Variants in IDO2 observed in about 807,000 individuals in gnomAD.
The protein encoded by IDO2 is indoleamine 2,3-dioxygenase 2, also known as indoleamine 2,3-dioxygenase-like 1 protein.
Under a neutral mutation model 45.1 loss-of-function variants are expected in IDO2, and 46 were observed. The observed-to-expected ratio is 1.02, with a 90% CI of 0.80 to 1.30. The LOEUF is 1.30. IDO2 is among the 50% of genes most tolerant of loss of function. The pLI is 0.00. For missense variants in IDO2, 544 were observed against 491.8 expected, an observed-to-expected ratio of 1.11 and a Z score of -1.00; for synonymous variants, 218 against 184.9, an observed-to-expected ratio of 1.18 and a Z score of -1.45.
chr8:39,997,956 C>G lies in IDO2; in HGVS notation c.668-7371C>G, dbSNP rs1585417046. ...TTGCTGCCCAGCAGCAGGTATGAAGCCGGCTGGTGACTGGCTAGCAAATGC... is the reference window on the plus strand; with the variant it reads ...TTGCTGCCCAGCAGCAGGTATGAAGGCGGCTGGTGACTGGCTAGCAAATGC... On this transcript the variant is annotated intron_variant, in intron 8 of 10. Coordinates refer to ENST00000502986, the Ensembl canonical transcript of IDO2. The G allele has an allele frequency of 2.2e-5, 5 of 223,822 alleles. No homozygotes were observed. The East Asian group carries it at 5.4e-4, about 24-fold the overall frequency. The allele number at this position is 223,822 out of a possible 1,614,324, so 13.9% of individuals were successfully genotyped here.
At chr8:39,982,248 A>ATATG (rs1491038685) in intron 4 of IDO2, among the ~76,000 whole-genome samples, 4 of 122,104 alleles carry the variant, frequency 3.3e-5, no homozygotes, top group African/African-American at 1.1e-4. Flanking sequence ...ATATATATAT[A>ATATG]TATATGTATA....
At chr8:39,937,443 A>G (rs1202725198) in intron 1 of IDO2, among the ~76,000 whole-genome samples, 1 of 152,198 alleles carries the variant, frequency 6.6e-6, no homozygotes, top group Non-Finnish European at 1.5e-5. Context: ...TGTTGGCTTA[A>G]AGGGAATGAA....
intron 10 of IDO2, among the ~76,000 whole-genome samples, chr8:40,014,037 G>T (rs908769386): frequency 6.6e-5 from 10 of 152,122 alleles, no homozygotes; most frequent in Non-Finnish European, 1.0e-4. Context: ...GAGTTTGAAG[G>T]CTATGAGTCT....
intron 9 of IDO2, among the ~76,000 whole-genome samples, chr8:40,008,991 T>C (rs2129595473): frequency 6.7e-6 from 1 of 148,450 alleles, no homozygotes; most frequent in South Asian, 2.2e-4. Context: ...TATCCTATTT[T>C]TGATTTATTA....
intron 3 of IDO2, among the ~76,000 whole-genome samples, chr8:39,965,742 G>A (rs1485566598): frequency 2.0e-5 from 3 of 152,078 alleles, no homozygotes; most frequent in African/African-American, 4.8e-5. Flanking sequence ...ATCACGTGAA[G>A]ATGGAGGTAG....
chr8:40,005,872 T>C (rs1293669950), intron 9 of IDO2, among the ~76,000 whole-genome samples: 2 of 152,232 alleles, frequency 1.3e-5, no homozygotes, highest in Non-Finnish European at 2.9e-5. Flanking sequence ...AGGTGGGTTC[T>C]CTGGGAGGTG....
intron 3 of IDO2, among the ~76,000 whole-genome samples, chr8:39,968,948 G>A (rs1219609623): frequency 2.6e-5 from 4 of 151,078 alleles, no homozygotes; most frequent in African/African-American, 4.9e-5. Context: ...ATATAACTTC[G>A]ATGAAGAGAG....
chr8:40,007,618 G>C lies in IDO2; in HGVS notation c.719+2240G>C, dbSNP rs1802242686. Among the ~76,000 whole-genome samples, 3 of 152,192 alleles carry C rather than the reference G, an allele frequency of 2.0e-5. No homozygotes were observed. In the South Asian group the frequency reaches 6.2e-4, roughly 32 times the overall value. On this transcript the variant is annotated intron_variant, in intron 9 of 10. Transcript: ENST00000502986. The stretch of plus-strand genomic sequence containing the variant: ...ATAGCAGGCTTATACTATAGATGCA[G>C]AAACAGACTGGGATTTAGGAAGCAC...
intron 9 of IDO2, among the ~76,000 whole-genome samples, 176 bp downstream of exon 9, chr8:40,005,554 G>A (rs1346338851): frequency 1.3e-5 from 2 of 152,098 alleles, no homozygotes; most frequent in African/African-American, 2.4e-5. Flanking sequence ...TAACACTGAG[G>A]GCTAAGTATT....
intron 4 of IDO2, among the ~76,000 whole-genome samples, chr8:39,981,429 T>C (rs913027338): frequency 3.3e-5 from 5 of 152,074 alleles, no homozygotes; most frequent in African/African-American, 1.2e-4. Context: ...GTCCTCTTTA[T>C]ACCATCCCCT....
chr8:39,949,036 A>G, intron 1 of IDO2, 113 bp from the exon 2 acceptor site: 1 of 1,389,144 alleles, frequency 7.2e-7, no homozygotes, highest in Non-Finnish European at 9.5e-7. Context: ...AACCTCAGGG[A>G]AAAGTTCTCT....
chr8:39,965,929 G>A (rs540811714), intron 3 of IDO2, among the ~76,000 whole-genome samples: 1 of 151,960 alleles, frequency 6.6e-6, no homozygotes, highest in African/African-American at 2.4e-5. Context: ...CCATAACTGT[G>A]GCAGAGTACA....
At chr8:39,942,486 C>A (rs7845418) in intron 1 of IDO2, among the ~76,000 whole-genome samples, 63,151 of 151,940 alleles carry the variant, frequency 0.42, 13,299 homozygotes, top group East Asian at 0.59. Flanking sequence ...TCTACCAAAA[C>A]CACAATTACC....
chr8:39,949,426 A>G (rs61020637), intron 2 of IDO2, among the ~76,000 whole-genome samples, 162 bp downstream of exon 2: 27,818 of 152,202 alleles, frequency 0.18, 2,958 homozygotes, highest in South Asian at 0.32. Context: ...ATTACTATCA[A>G]AAGAGAAGTG....
chr8:39,999,270 C>T (rs1313047980), intron 8 of IDO2, among the ~76,000 whole-genome samples: 5 of 134,158 alleles, frequency 3.7e-5, no homozygotes, highest in African/African-American at 1.1e-4. Flanking sequence ...CTTCATTCTG[C>T]TGCTGCTTTT....
intron 8 of IDO2, among the ~76,000 whole-genome samples, chr8:40,004,682 A>T (rs1802193072): frequency 8.1e-6 from 1 of 123,486 alleles, no homozygotes. Flanking sequence ...ACAATAGAAC[A>T]ACCTTCGAAA....
exon 8 of IDO2, chr8:39,989,743 C>A: frequency 6.3e-7 from 1 of 1,597,552 alleles, no homozygotes; most frequent in Non-Finnish European, 8.5e-7. Context: ...GCCACGAATG[C>A]TATCTTGCAG....
chr8:39,964,305 A>T (rs980245670), intron 3 of IDO2, among the ~76,000 whole-genome samples: 1 of 152,228 alleles, frequency 6.6e-6, no homozygotes, highest in Non-Finnish European at 1.5e-5. Context: ...AACCCTGAAA[A>T]AGTTACTCAA....
intron 3 of IDO2, among the ~76,000 whole-genome samples, chr8:39,975,396 A>T (rs1251742547): frequency 5.9e-5 from 9 of 152,150 alleles, no homozygotes; most frequent in Admixed American, 6.5e-5. Flanking sequence ...CACACATATA[A>T]ATGAAAAGAA....
Sources: allele counts gnomAD v4.1 joint callset (sites outside exome capture counted in the v4.1 genomes callset), GRCh38; gene constraint gnomAD v4.1.1; transcripts MANE v1.5; gene names NCBI Gene and HGNC (gene_info 2026-07-23, HGNC 2026-07-21).